The following PTPRZ1 variants were observed in gnomAD, a reference collection of about 807,000 sequenced individuals.
PTPRZ1 encodes the protein receptor-type tyrosine-protein phosphatase zeta.
In PTPRZ1, 82 loss-of-function variants were observed where a neutral mutation model predicts 214.1. The observed-to-expected ratio is 0.38, with a 90% CI of 0.32 to 0.46. PTPRZ1 has a LOEUF of 0.46. PTPRZ1 is among the 20% of genes least tolerant of loss of function. PTPRZ1 has a pLI of 1.00. For synonymous variants in PTPRZ1, 945 were observed against 987.9 expected (o/e 0.96, Z 0.81); for missense variants, 2,603 against 2,748.7 (o/e 0.95, Z 1.19).
At chr7:121,991,385 A>G (rs1797956637) in intron 8 of PTPRZ1, among the ~76,000 whole-genome samples, 2 of 152,358 alleles carry the variant, frequency 1.3e-5, no homozygotes, top group East Asian at 3.9e-4. Context: ...CTCATTTGCT[A>G]GCATTGTAAT....
chr7:121,937,973 G>A (rs1266872833), intron 2 of PTPRZ1, among the ~76,000 whole-genome samples: 4 of 152,148 alleles, frequency 2.6e-5, no homozygotes, highest in Admixed American at 6.5e-5. Flanking sequence ...CATTATAAAA[G>A]TGTGTTCATC....
chr7:121,882,055 T>C (rs1794258373), intron 1 of PTPRZ1, among the ~76,000 whole-genome samples: 1 of 152,264 alleles, frequency 6.6e-6, no homozygotes, highest in Non-Finnish European at 1.5e-5. Context: ...TTCTTTTTAC[T>C]GTATTTGAAA....
At chr7:121,906,736 TTCA>T (rs756700621) in intron 1 of PTPRZ1, among the ~76,000 whole-genome samples, 61 of 152,294 alleles carry the variant, frequency 4.0e-4, no homozygotes, top group Non-Finnish European at 7.5e-4. Flanking sequence ...GTTAAAGACA[TTCA>T]CTGGCTTGAC....
intron 2 of PTPRZ1, among the ~76,000 whole-genome samples, chr7:121,934,698 C>T (rs185299215): frequency 2.0e-5 from 3 of 152,216 alleles, no homozygotes; most frequent in Non-Finnish European, 2.9e-5. Flanking sequence ...CAAGCCTGGG[C>T]CCATCCGATA....
chr7:122,005,283 ATTGT>A (rs1798452458), intron 11 of PTPRZ1, among the ~76,000 whole-genome samples: 1 of 151,902 alleles, frequency 6.6e-6, no homozygotes, highest in East Asian at 1.9e-4. Flanking sequence ...AGAGAAAATG[ATTGT>A]TTAATATCTT....
chr7:122,045,683 T>TAC (rs71172161), intron 23 of PTPRZ1, among the ~76,000 whole-genome samples: 25,453 of 146,450 alleles, frequency 0.17, 3,302 homozygotes, highest in African/African-American at 0.37. Flanking sequence ...CTAAATAAAT[T>TAC]ACACACACAC....
intron 1 of PTPRZ1, among the ~76,000 whole-genome samples, chr7:121,907,120 TG>T (rs2116290683): frequency 7.2e-6 from 1 of 138,986 alleles, no homozygotes; most frequent in East Asian, 2.2e-4. Context: ...TAATTAATAA[TG>T]TGACTAATGC....
chr7:122,043,323 A>G (rs1799787279), intron 22 of PTPRZ1, among the ~76,000 whole-genome samples: 1 of 152,232 alleles, frequency 6.6e-6, no homozygotes, highest in Non-Finnish European at 1.5e-5. Context: ...AAGATACAGC[A>G]AAAGTCTAAG....
At chr7:121,902,607 T>G (rs1223711396) in intron 1 of PTPRZ1, among the ~76,000 whole-genome samples, 1 of 152,196 alleles carries the variant, frequency 6.6e-6, no homozygotes, top group Non-Finnish European at 1.5e-5. Context: ...ATTTCTCTGA[T>G]AAGTAGTCAT....
At chr7:122,051,134 A>G (rs969624007) in intron 23 of PTPRZ1, among the ~76,000 whole-genome samples, 5 of 152,152 alleles carry the variant, frequency 3.3e-5, no homozygotes, top group African/African-American at 4.8e-5. Context: ...AATAGAGGAA[A>G]TGGAGGTTGC....
chr7:122,042,022 T>C (rs1562878326), intron 21 of PTPRZ1, among the ~76,000 whole-genome samples: 1 of 152,240 alleles, frequency 6.6e-6, no homozygotes, highest in Non-Finnish European at 1.5e-5. Flanking sequence ...TGTCCGTGAA[T>C]TCTGTCCCTC....
chr7:122,009,203 G>A (rs1391615364), intron 11 of PTPRZ1, among the ~76,000 whole-genome samples: 1 of 152,002 alleles, frequency 6.6e-6, no homozygotes, highest in East Asian at 1.9e-4. Context: ...AAATAATGAG[G>A]CAGCCATTAA....
chr7:121,975,309 G>A (rs1246432540), intron 4 of PTPRZ1, among the ~76,000 whole-genome samples: 8 of 152,078 alleles, frequency 5.3e-5, no homozygotes, highest in South Asian at 2.1e-4. Context: ...TATTTCTTTC[G>A]ATTTCCCATG....
intron 2 of PTPRZ1, 123 bp downstream of exon 2, chr7:121,928,344 AGATT>A: frequency 1.6e-6 from 1 of 610,254 alleles, no homozygotes; most frequent in Non-Finnish European, 2.8e-6. Flanking sequence ...ATGGATAGTT[AGATT>A]AATTAATAGA....
At chr7:121,967,607 A>T (rs1797082445) in intron 2 of PTPRZ1, among the ~76,000 whole-genome samples, 1 of 152,118 alleles carries the variant, frequency 6.6e-6, no homozygotes, top group African/African-American at 2.4e-5. Flanking sequence ...TTGTCACATT[A>T]TGAGAGGTGG....
chr7:121,913,156 G>A (rs1795326596), intron 1 of PTPRZ1, among the ~76,000 whole-genome samples: 1 of 152,204 alleles, frequency 6.6e-6, no homozygotes, highest in East Asian at 1.9e-4. Context: ...TAAAGAAATG[G>A]TATTAAGATA....
chr7:122,004,845 A>G (rs1349662140), intron 11 of PTPRZ1, among the ~76,000 whole-genome samples, 185 bp downstream of exon 11: 2 of 152,080 alleles, frequency 1.3e-5, no homozygotes, highest in African/African-American at 2.4e-5. Context: ...TCTTATGAAG[A>G]AGTTGAAAGA....
intron 6 of PTPRZ1, among the ~76,000 whole-genome samples, chr7:121,982,525 G>A (rs775743580): frequency 3.9e-5 from 6 of 152,002 alleles, no homozygotes; most frequent in Non-Finnish European, 7.4e-5. Flanking sequence ...TAATCTTTCT[G>A]CCATTTTAAT....
chr7:121,971,776 C>T (rs908366558), intron 3 of PTPRZ1, among the ~76,000 whole-genome samples: 1 of 152,094 alleles, frequency 6.6e-6, no homozygotes, highest in Non-Finnish European at 1.5e-5. Flanking sequence ...AGCTGGCTGG[C>T]CAATATGTTG....
Sources: allele counts gnomAD v4.1 joint callset (sites outside exome capture counted in the v4.1 genomes callset), GRCh38; gene constraint gnomAD v4.1.1; transcripts MANE v1.5; gene names NCBI Gene and HGNC (gene_info 2026-07-23, HGNC 2026-07-21).